The following SLX4IP variants were observed in gnomAD, a reference collection of about 807,000 sequenced individuals.
SLX4IP encodes the protein SLX4 interacting protein, also known as protein SLX4IP.
Under a neutral mutation model 32.9 loss-of-function variants are expected in SLX4IP, and 34 were observed. That is an observed-to-expected ratio of 1.03 (90% CI 0.79 to 1.38). The LOEUF (loss-of-function observed/expected upper bound fraction) is 1.38, where lower values mean the gene tolerates loss of function less well. SLX4IP is among the 40% of genes most tolerant of loss of function. The pLI, the probability that SLX4IP is intolerant of heterozygous loss-of-function variation, is 0.00. For missense variants in SLX4IP, 444 were observed against 479.0 expected (o/e 0.93, Z 0.68); for synonymous variants, 172 against 171.7 (o/e 1.00, Z -0.01).
chr20:10,530,518 A>G (rs902222094), intron 2 of SLX4IP, among the ~76,000 whole-genome samples: 1 of 152,226 alleles, frequency 6.6e-6, no homozygotes, highest in African/African-American at 2.4e-5. Context: ...GGAAAAGTGC[A>G]CATTTCCATG....
chr20:10,501,148 A>G (rs932330863), intron 2 of SLX4IP, among the ~76,000 whole-genome samples: 5 of 152,218 alleles, frequency 3.3e-5, no homozygotes, highest in Non-Finnish European at 7.4e-5. Context: ...ATGTACTTAC[A>G]ATGATGATGG....
At chr20:10,575,602 T>C (rs1309440982) in intron 4 of SLX4IP, among the ~76,000 whole-genome samples, 2 of 151,050 alleles carry the variant, frequency 1.3e-5, no homozygotes, top group Non-Finnish European at 2.9e-5. Flanking sequence ...ATATTTTTAA[T>C]ATGTAGGATG....
chr20:10,533,230 A>C (rs1239325448), intron 2 of SLX4IP, among the ~76,000 whole-genome samples: 3 of 152,160 alleles, frequency 2.0e-5, no homozygotes, highest in African/African-American at 7.2e-5. Flanking sequence ...TGGTGGGAAG[A>C]AGGTTGTTCA....
intron 2 of SLX4IP, among the ~76,000 whole-genome samples, chr20:10,549,721 G>A (rs887110573): frequency 1.3e-5 from 2 of 152,182 alleles, no homozygotes; most frequent in South Asian, 2.1e-4. Flanking sequence ...AGACCTTCCC[G>A]AATTCAGCTT....
chr20:10,459,205 G>T (rs192528444), intron 2 of SLX4IP, among the ~76,000 whole-genome samples: 1 of 151,960 alleles, frequency 6.6e-6, no homozygotes, highest in Non-Finnish European at 1.5e-5. Flanking sequence ...TTTTAATGGC[G>T]TCATTTGTTT....
At chr20:10,615,655 C>T (rs564103602) in intron 6 of SLX4IP, among the ~76,000 whole-genome samples, 3 of 152,266 alleles carry the variant, frequency 2.0e-5, no homozygotes, top group African/African-American at 7.2e-5. Flanking sequence ...CATCTTAGTC[C>T]ATTTGTGTTG....
chr20:10,476,647 C>T (rs1200731598), intron 2 of SLX4IP, among the ~76,000 whole-genome samples: 1 of 152,142 alleles, frequency 6.6e-6, no homozygotes, highest in East Asian at 1.9e-4. Flanking sequence ...GCTGCGCCCT[C>T]CTTGGGTTGG....
chr20:10,535,631 T>C (rs1043811475), intron 2 of SLX4IP, among the ~76,000 whole-genome samples: 8 of 152,148 alleles, frequency 5.3e-5, no homozygotes, highest in African/African-American at 1.9e-4. Flanking sequence ...CAAGAACATG[T>C]AGTTTTGTCT....
intron 2 of SLX4IP, among the ~76,000 whole-genome samples, chr20:10,478,543 A>G (rs2065493303): frequency 6.6e-6 from 1 of 152,248 alleles, no homozygotes; most frequent in African/African-American, 2.4e-5. Flanking sequence ...TTGTCCAGTA[A>G]TAACACAACT....
At chr20:10,541,936 A>G (rs911431655) in intron 2 of SLX4IP, among the ~76,000 whole-genome samples, 8 of 152,210 alleles carry the variant, frequency 5.3e-5, no homozygotes, top group Non-Finnish European at 7.3e-5. Context: ...GTATGACTCT[A>G]AAGCCCATGC....
At chr20:10,567,581 T>C (rs1202025985) in intron 4 of SLX4IP, among the ~76,000 whole-genome samples, 1 of 152,226 alleles carries the variant, frequency 6.6e-6, no homozygotes, top group Non-Finnish European at 1.5e-5. Flanking sequence ...TTCTTTATTC[T>C]AGTTTGTGGT....
chr20:10,464,261 ATCC>A (rs2065362342), intron 2 of SLX4IP, among the ~76,000 whole-genome samples: 1 of 152,092 alleles, frequency 6.6e-6, no homozygotes, highest in African/African-American at 2.4e-5. Context: ...GGCTCAAACA[ATCC>A]TCCTGCCTCA....
intron 4 of SLX4IP, among the ~76,000 whole-genome samples, chr20:10,593,987 C>G (rs967835019): frequency 6.6e-6 from 1 of 152,198 alleles, no homozygotes. Context: ...TAATGTCATA[C>G]TCAGTTGTAA....
intron 2 of SLX4IP, among the ~76,000 whole-genome samples, chr20:10,492,305 T>C (rs182597796): frequency 1.8e-4 from 27 of 152,302 alleles, no homozygotes; most frequent in African/African-American, 5.5e-4. Context: ...CACTGGACAG[T>C]GTAAATTACT....
chr20:10,594,034 T>C (rs2066741275), intron 4 of SLX4IP, among the ~76,000 whole-genome samples: 1 of 152,242 alleles, frequency 6.6e-6, no homozygotes, highest in African/African-American at 2.4e-5. Flanking sequence ...ATTTCCTTAT[T>C]GCTCAAGAGC....
In SLX4IP at chr20:10,463,158, T is replaced by G. The variant is rs191554904; in HGVS notation, c.27+4927T>G. ...AACTGGGAGATATAGGGGTAACTGA[T>G]TTTTAGGGGAAATGAATGGACTCGA... On this transcript the variant is annotated intron_variant, in intron 2 of 7. Transcript: ENST00000334534. 2.0e-3 allele frequency among the ~76,000 whole-genome samples: 298 copies of G among 152,362 alleles called. 2 individuals are homozygous for G. Among genetic ancestry groups the G allele is most frequent in the African/African-American group, 6.5e-3 (272 of 41,584 alleles).
At chr20:10,469,532 T>G (rs1485369667) in intron 2 of SLX4IP, among the ~76,000 whole-genome samples, 3 of 152,228 alleles carry the variant, frequency 2.0e-5, no homozygotes, top group Admixed American at 6.5e-5. Flanking sequence ...AATTTCTTAG[T>G]GTTAGACCTT....
At chr20:10,484,124 T>C (rs1206646904) in intron 2 of SLX4IP, among the ~76,000 whole-genome samples, 4 of 152,190 alleles carry the variant, frequency 2.6e-5, no homozygotes, top group Admixed American at 6.5e-5. Context: ...GTCACACTTA[T>C]ATTAAGTAAA....
chr20:10,543,570 G>A (rs1232418777), intron 2 of SLX4IP, among the ~76,000 whole-genome samples: 1 of 152,216 alleles, frequency 6.6e-6, no homozygotes, highest in African/African-American at 2.4e-5. Flanking sequence ...GATGGGACAA[G>A]CCAGCAAAGG....
Sources: gnomAD v4.1 joint callset for allele counts (sites outside exome capture counted in the v4.1 genomes callset) on GRCh38, gnomAD v4.1.1 for gene constraint, MANE v1.5 for transcripts, NCBI Gene and HGNC (gene_info 2026-07-23, HGNC 2026-07-21) for gene names.